The following LRMDA variants were observed in gnomAD, a reference collection of about 807,000 sequenced individuals.
LRMDA encodes leucine-rich melanocyte differentiation-associated protein.
Under a neutral mutation model 29.8 loss-of-function variants are expected in LRMDA, and 18 were observed. That is an observed-to-expected ratio of 0.60 (90% confidence interval 0.42 to 0.90). LRMDA has a LOEUF of 0.90. LRMDA is among the 40% of genes least tolerant of loss of function. The pLI is 0.00. For synonymous variants in LRMDA, 125 were observed against 109.4 expected, an observed-to-expected ratio of 1.14 and a Z score of -0.89; for missense variants, 273 against 273.9, an observed-to-expected ratio of 1.00 and a Z score of 0.02.
At chr10:75,490,277 A>G (rs577994681) in intron 2 of LRMDA, among the ~76,000 whole-genome samples, 8 of 152,204 alleles carry the variant, frequency 5.3e-5, no homozygotes, top group African/African-American at 1.9e-4. Flanking sequence ...AATAAAAATT[A>G]GTGATGATGA....
At chr10:76,008,904 A>G (rs181794512) in intron 2 of LRMDA, among the ~76,000 whole-genome samples, 65 of 152,252 alleles carry the variant, frequency 4.3e-4, no homozygotes, top group Non-Finnish European at 7.8e-4. Context: ...GAAGAGATTT[A>G]GTAATGATTT....
intron 5 of LRMDA, among the ~76,000 whole-genome samples, chr10:76,148,418 C>G (rs1455400912): frequency 6.6e-6 from 1 of 152,158 alleles, no homozygotes; most frequent in Non-Finnish European, 1.5e-5. Flanking sequence ...AACCTCGCTG[C>G]CGCCTTGCAG....
intron 5 of LRMDA, among the ~76,000 whole-genome samples, chr10:76,092,767 A>G (rs1589323505): frequency 6.6e-6 from 1 of 152,336 alleles, no homozygotes; most frequent in Non-Finnish European, 1.5e-5. Context: ...AGTGCCTAAT[A>G]TGTACAATTC....
At chr10:76,300,415 A>G (rs542573369) in intron 5 of LRMDA, among the ~76,000 whole-genome samples, 1 of 152,226 alleles carries the variant, frequency 6.6e-6, no homozygotes, top group Admixed American at 6.5e-5. Flanking sequence ...TGATCATGGT[A>G]GGAAAGCAGG....
chr10:76,225,724 T>TTTATTAA (rs1554856628), intron 5 of LRMDA, among the ~76,000 whole-genome samples: 37 of 83,960 alleles, frequency 4.4e-4, no homozygotes, highest in South Asian at 1.6e-3. Flanking sequence ...TTATTTATTA[T>TTTATTAA]TATATATATA....
At chr10:76,535,467 G>T (rs978217804) in intron 6 of LRMDA, among the ~76,000 whole-genome samples, 5 of 152,182 alleles carry the variant, frequency 3.3e-5, no homozygotes, top group South Asian at 4.2e-4. Context: ...TGCTTAAATA[G>T]GTCACTTAAA....
chr10:76,338,257 G>A lies in LRMDA; in HGVS notation c.601+13772G>A, dbSNP rs757132765. 1.1e-4 allele frequency among the ~76,000 whole-genome samples: 17 copies of A among 152,100 alleles called. No individual in the cohort carries two copies. The East Asian group carries it at 2.7e-3, about 24-fold the overall frequency. Reference sequence around the variant, plus strand: ...ACCTACAAGCTCAGATATACCTGACGTAGGAGGACTGCTTGAATCCAGGAG... The same window carrying A: ...ACCTACAAGCTCAGATATACCTGACATAGGAGGACTGCTTGAATCCAGGAG... On this transcript the variant is annotated intron_variant, in intron 6 of 6. Coordinates refer to ENST00000611255, the MANE Select transcript of LRMDA (RefSeq NM_001305581.2).
chr10:76,525,032 G>A lies in LRMDA; in HGVS notation c.602-32177G>A, dbSNP rs148280351. Among the ~76,000 whole-genome samples, 334 of 152,288 alleles carry A rather than the reference G, an allele frequency of 2.2e-3. 2 individuals carry two copies. Among genetic ancestry groups the A allele is most frequent in the African/African-American group, 7.7e-3 (318 of 41,564 alleles). ...AACCAATTGTCTCAGGTCCTCTTCA[G>A]TGTCTGAGGGCACATTCAATGGCAG... is the stretch of plus-strand genomic sequence containing the variant. On this transcript the variant is annotated intron_variant, in intron 6 of 6. Transcript: ENST00000611255.
chr10:75,601,977 C>T (rs182904154), intron 2 of LRMDA, among the ~76,000 whole-genome samples: 31 of 152,220 alleles, frequency 2.0e-4, no homozygotes, highest in African/African-American at 4.1e-4. Flanking sequence ...ATACTCTGTG[C>T]GATATCTTTT....
At chr10:76,519,229 AT>A (rs1843095013) in intron 6 of LRMDA, among the ~76,000 whole-genome samples, 2 of 152,198 alleles carry the variant, frequency 1.3e-5, no homozygotes, top group African/African-American at 4.8e-5. Flanking sequence ...CTCATAAAAA[AT>A]AATGGAAATT....
chr10:75,620,694 T>A (rs1380344974), intron 2 of LRMDA, among the ~76,000 whole-genome samples: 1 of 152,232 alleles, frequency 6.6e-6, no homozygotes, highest in Non-Finnish European at 1.5e-5. Context: ...TCCATCTTCT[T>A]TGTAAATTCT....
intron 2 of LRMDA, among the ~76,000 whole-genome samples, chr10:75,926,596 T>C (rs568034343): frequency 6.6e-5 from 10 of 152,298 alleles, no homozygotes; most frequent in African/African-American, 2.4e-4. Context: ...AGAGATTAAT[T>C]AGTGGGGTCT....
chr10:76,483,722 AT>A (rs1416507579), intron 6 of LRMDA, among the ~76,000 whole-genome samples: 2 of 150,212 alleles, frequency 1.3e-5, no homozygotes, highest in African/African-American at 2.4e-5. Context: ...TCAAGAAACC[AT>A]TAAAAAAAAA....
chr10:75,851,893 G>A (rs1844738344), intron 2 of LRMDA, among the ~76,000 whole-genome samples: 1 of 152,216 alleles, frequency 6.6e-6, no homozygotes, highest in Non-Finnish European at 1.5e-5. Context: ...TGTTTCTTAA[G>A]TAATTCACCT....
chr10:76,409,593 T>C (rs1361710951), intron 6 of LRMDA, among the ~76,000 whole-genome samples: 1 of 152,206 alleles, frequency 6.6e-6, no homozygotes, highest in East Asian at 1.9e-4. Context: ...TGATATGTAG[T>C]TGTGATCCTG....
intron 3 of LRMDA, among the ~76,000 whole-genome samples, chr10:76,041,841 TA>T (rs1022369475): frequency 6.6e-6 from 1 of 152,122 alleles, no homozygotes; most frequent in African/African-American, 2.4e-5. Flanking sequence ...GAAGACTTGA[TA>T]AGGGAAACCA....
intron 2 of LRMDA, among the ~76,000 whole-genome samples, chr10:75,965,651 C>T (rs571138368): frequency 5.3e-5 from 8 of 152,254 alleles, no homozygotes; most frequent in African/African-American, 9.6e-5. Context: ...TGGCTTGGCC[C>T]GGCTCAGTTT....
chr10:76,450,038 G>A (rs1213702585), intron 6 of LRMDA, among the ~76,000 whole-genome samples: 1 of 151,974 alleles, frequency 6.6e-6, no homozygotes, highest in East Asian at 1.9e-4. Context: ...TTTAGCTATT[G>A]CAGTCTTGAT....
chr10:75,654,032 T>C (rs971523955), intron 2 of LRMDA, among the ~76,000 whole-genome samples: 1 of 152,318 alleles, frequency 6.6e-6, no homozygotes, highest in Middle Eastern at 3.4e-3. Context: ...GTCACACCCA[T>C]AGTCAGCGCA....
Sources: allele counts gnomAD v4.1 joint callset (sites outside exome capture counted in the v4.1 genomes callset), GRCh38; gene constraint gnomAD v4.1.1; transcripts MANE v1.5; gene names NCBI Gene and HGNC (gene_info 2026-07-23, HGNC 2026-07-21).